The following PAPPA2 variants were observed in gnomAD, a reference collection of about 807,000 sequenced individuals.
The protein encoded by PAPPA2 is pappalysin 2.
Under a neutral mutation model 176.4 loss-of-function variants are expected in PAPPA2, and 86 were observed. The ratio of observed to expected loss-of-function variants is 0.49; its 90% CI spans 0.41 to 0.58. The LOEUF is 0.58. PAPPA2 is among the 20% of genes least tolerant of loss of function. The probability of loss-of-function intolerance (pLI) is 0.00; values close to 1 mark genes in which losing one functional copy is unlikely to be tolerated. For synonymous variants in PAPPA2, 809 were observed against 852.2 expected (o/e 0.95, Z 0.88); for missense variants, 2,073 against 2,256.9 (o/e 0.92, Z 1.65).
intron 3 of PAPPA2, among the ~76,000 whole-genome samples, chr1:176,663,079 T>C (rs1409320056): frequency 2.0e-5 from 3 of 152,152 alleles, no homozygotes; most frequent in Admixed American, 6.5e-5. Flanking sequence ...TCACTTGAAG[T>C]TGGGGCTAAT....
intron 3 of PAPPA2, among the ~76,000 whole-genome samples, chr1:176,642,133 G>T (rs1282389993): frequency 1.3e-5 from 2 of 151,742 alleles, no homozygotes; most frequent in African/African-American, 2.4e-5. Flanking sequence ...TCCTTCTATA[G>T]GAATGGCTCT....
intron 7 of PAPPA2, among the ~76,000 whole-genome samples, chr1:176,696,401 C>T (rs1876260): frequency 6.6e-6 from 1 of 152,104 alleles, no homozygotes; most frequent in Admixed American, 6.5e-5. Context: ...TGACTGTTCT[C>T]GTCTATGCTA....
chr1:176,512,224 A>C (rs1219465160), intron 1 of PAPPA2, among the ~76,000 whole-genome samples: 1 of 13,956 alleles, frequency 7.2e-5, no homozygotes, highest in South Asian at 3.7e-3. Context: ...AAATTTGCAA[A>C]AAAAAAAAAA....
In PAPPA2 at chr1:176,594,912, C is replaced by T. The variant is rs1385244278; in HGVS notation, c.1308C>T (p.Ser436=). The change falls in exon 3 of 23, where the codon AGC becomes AGT. Residue 436 remains serine (S), a synonymous_variant. Coordinates refer to ENST00000367662, the MANE Select transcript of PAPPA2 (RefSeq NM_020318.3). The part of the protein sequence containing the change: ...LVFWSTALPQ[S]HFQHSSQHSS... The stretch of plus-strand genomic sequence containing the variant: ...TCTGGTCGACCGCCCTGCCACAAAG[C>T]CATTTTCAGCACAGTTCTCAGCATT... 6 of 1,614,086 alleles carry T rather than the reference C, an allele frequency of 3.7e-6. No homozygotes were observed. In the South Asian group the frequency reaches 6.6e-5, roughly 18 times the overall value.
chr1:176,638,286 CA>C (rs1182818242), intron 3 of PAPPA2, among the ~76,000 whole-genome samples: 1 of 151,686 alleles, frequency 6.6e-6, no homozygotes, highest in African/African-American at 2.4e-5. Context: ...CCCCCAAACA[CA>C]ATGCACATTA....
At chr1:176,728,437 A>G (rs1352259639) in intron 12 of PAPPA2, among the ~76,000 whole-genome samples, 2 of 151,954 alleles carry the variant, frequency 1.3e-5, no homozygotes, top group Admixed American at 1.3e-4. Flanking sequence ...AGCAATAAAA[A>G]TGGTAAAATA....
chr1:176,616,452 A>G, intron 3 of PAPPA2: 1 of 675,432 alleles, frequency 1.5e-6, no homozygotes. Context: ...GGCAACAAGT[A>G]CTGGAGCTTT....
At chr1:176,695,998 G>C in intron 7 of PAPPA2, 139 bp downstream of exon 7, 1 of 910,704 alleles carries the variant, frequency 1.1e-6, no homozygotes, top group Non-Finnish European at 1.6e-6. Context: ...GTGTGTGTGT[G>C]TGTGTGTGTT....
chr1:176,523,517 A>G (rs1230094994), intron 1 of PAPPA2, among the ~76,000 whole-genome samples: 1 of 152,224 alleles, frequency 6.6e-6, no homozygotes, highest in Non-Finnish European at 1.5e-5. Context: ...CACTTGGGAA[A>G]TTTCTGACAG....
At chr1:176,633,367 T>C (rs1381452179) in intron 3 of PAPPA2, among the ~76,000 whole-genome samples, 8 of 152,068 alleles carry the variant, frequency 5.3e-5, no homozygotes, top group Non-Finnish European at 1.0e-4. Flanking sequence ...GTGAATGACA[T>C]AGGATCAAGG....
chr1:176,747,255 A>C (rs986726706), intron 14 of PAPPA2, among the ~76,000 whole-genome samples: 2 of 152,232 alleles, frequency 1.3e-5, no homozygotes, highest in African/African-American at 4.8e-5. Context: ...ACTTATGTGA[A>C]CGGGCATATT....
intron 3 of PAPPA2, among the ~76,000 whole-genome samples, chr1:176,624,439 T>C (rs776829616): frequency 6.6e-6 from 1 of 152,228 alleles, no homozygotes; most frequent in Non-Finnish European, 1.5e-5. Context: ...AGGTCAGCGA[T>C]AGCATCATTG....
chr1:176,659,065 T>A (rs901027814), intron 3 of PAPPA2, among the ~76,000 whole-genome samples: 1 of 152,000 alleles, frequency 6.6e-6, no homozygotes, highest in African/African-American at 2.4e-5. Flanking sequence ...CTAGCAGAAT[T>A]TTTATAGCAT....
chr1:176,509,916 C>T (rs1648489103), intron 1 of PAPPA2, among the ~76,000 whole-genome samples: 1 of 151,888 alleles, frequency 6.6e-6, no homozygotes, highest in South Asian at 2.1e-4. Context: ...TGCCTGTAGT[C>T]CCAGCTACTT....
At chr1:176,616,775 G>A (rs185105642) in intron 3 of PAPPA2, 1 of 1,023,386 alleles carries the variant, frequency 9.8e-7, no homozygotes, top group East Asian at 2.7e-5. Context: ...GAGCTGGGTG[G>A]TTCATTCGAG....
At chr1:176,707,214 T>C (rs764302547) in intron 10 of PAPPA2, among the ~76,000 whole-genome samples, 3 of 152,190 alleles carry the variant, frequency 2.0e-5, no homozygotes, top group Non-Finnish European at 2.9e-5. Context: ...AATATTTTAA[T>C]GTCATGAAAT....
intron 21 of PAPPA2, among the ~76,000 whole-genome samples, chr1:176,815,067 T>C (rs1666320010): frequency 6.6e-6 from 1 of 152,182 alleles, no homozygotes; most frequent in African/African-American, 2.4e-5. Flanking sequence ...TTCAGTTCTG[T>C]TTATTACACC....
At chr1:176,717,039 G>A (rs116359017) in intron 12 of PAPPA2, among the ~76,000 whole-genome samples, 1 of 152,264 alleles carries the variant, frequency 6.6e-6, no homozygotes, top group Non-Finnish European at 1.5e-5. Flanking sequence ...TATTCCCCCA[G>A]TGCTAGGCAG....
chr1:176,739,550 G>A, intron 12 of PAPPA2, 76 bp from the exon 13 acceptor site: 1 of 1,462,498 alleles, frequency 6.8e-7, no homozygotes, highest in Non-Finnish European at 9.2e-7. Context: ...TCTCTAAGAA[G>A]AATAAAAATT....
Sources: gnomAD v4.1 joint callset for allele counts (sites outside exome capture counted in the v4.1 genomes callset) on GRCh38, gnomAD v4.1.1 for gene constraint, MANE v1.5 for transcripts, NCBI Gene and HGNC (gene_info 2026-07-23, HGNC 2026-07-21) for gene names.